ARRDC5: variants seen among roughly 807,000 people sequenced by gnomAD.
The protein encoded by ARRDC5 is arrestin domain-containing protein 5.
A neutral mutation model predicts 13.3 loss-of-function variants in ARRDC5; 12 were observed. That is an observed-to-expected ratio of 0.90 (90% CI 0.58 to 1.46). The LOEUF is 1.46. Among genes scored for constraint, ARRDC5 ranks in the 40% most tolerant of loss-of-function variants. ARRDC5 has a pLI of 0.00. For synonymous variants in ARRDC5, 181 were observed against 173.4 expected (o/e 1.04, Z -0.34); for missense variants, 406 against 418.7 (o/e 0.97, Z 0.26).
chr19:4,915,012 C>T, the ARRDC5 span, among the ~76,000 whole-genome samples: 9 of 152,328 alleles, frequency 5.9e-5, no homozygotes, highest in South Asian at 8.3e-4. Flanking sequence ...TGCGGAGCAG[C>T]GTCCCTGGCC....
At chr19:4,898,315 C>A (rs1049737608) in intron 1 of ARRDC5, among the ~76,000 whole-genome samples, 7 of 152,104 alleles carry the variant, frequency 4.6e-5, no homozygotes, top group African/African-American at 1.7e-4. Flanking sequence ...TTTCTATCTT[C>A]TCTGGCCCAT....
chr19:4,905,037 A>G (rs73532659), upstream of ARRDC5, among the ~76,000 whole-genome samples: 4,196 of 150,794 alleles, frequency 0.028, 189 homozygotes, highest in African/African-American at 0.097. Context: ...AGTCAAGCTC[A>G]TCCAACCCCT....
At chr19:4,896,327 A>AAAT (rs2031714139) in intron 2 of ARRDC5, among the ~76,000 whole-genome samples, 1 of 70,154 alleles carries the variant, frequency 1.4e-5, no homozygotes, top group Non-Finnish European at 2.6e-5. Flanking sequence ...AAAAAAAAAA[A>AAAT]AAATATATAT....
At chr19:4,904,685 A>C (rs2032029084), upstream of ARRDC5, among the ~76,000 whole-genome samples, 1 of 152,228 alleles carries the variant, frequency 6.6e-6, no homozygotes, top group Non-Finnish European at 1.5e-5. Flanking sequence ...ACCTTGTCTA[A>C]GTGAACTTTG....
chr19:4,900,938 G>C (rs2031891802), intron 1 of ARRDC5, among the ~76,000 whole-genome samples: 1 of 151,856 alleles, frequency 6.6e-6, no homozygotes, highest in Non-Finnish European at 1.5e-5. Flanking sequence ...ACAATCGGTT[G>C]AACCCAGGAG....
upstream of ARRDC5, chr19:4,903,181 C>G (rs565305214): frequency 2.4e-3 from 602 of 255,712 alleles, 13 homozygotes; most frequent in South Asian, 0.026. Flanking sequence ...TGCATGCCAG[C>G]ATGCCCAGCT....
intron 1 of ARRDC5, among the ~76,000 whole-genome samples, chr19:4,898,559 A>G (rs2031807815): frequency 6.6e-6 from 1 of 151,402 alleles, no homozygotes; most frequent in South Asian, 2.1e-4. Context: ...ATGGGGTTTC[A>G]CCATGTTGGC....
upstream of ARRDC5, among the ~76,000 whole-genome samples, chr19:4,907,830 A>G: frequency 6.8e-6 from 1 of 146,490 alleles, no homozygotes; most frequent in East Asian, 2.0e-4. Context: ...CTCCTGCCTC[A>G]GCCTCCCGAG....
chr19:4,904,046 G>A (rs1391870241), upstream of ARRDC5, among the ~76,000 whole-genome samples: 2 of 151,806 alleles, frequency 1.3e-5, no homozygotes, highest in African/African-American at 4.8e-5. Context: ...GCGTGATCTC[G>A]GCTCACTGCA....
intron 2 of ARRDC5, among the ~76,000 whole-genome samples, chr19:4,893,897 A>G (rs2031604599): frequency 6.8e-6 from 1 of 147,822 alleles, no homozygotes; most frequent in Admixed American, 6.8e-5. Flanking sequence ...AAAAAAAAAA[A>G]AATAGCCAGG....
chr19:4,897,974 G>A (rs1223774052), intron 1 of ARRDC5, among the ~76,000 whole-genome samples: 1 of 152,120 alleles, frequency 6.6e-6, no homozygotes, highest in East Asian at 1.9e-4. Context: ...GTAGTTCCAG[G>A]TACTCAGGAG....
At chr19:4,909,970 G>T in the ARRDC5 span, among the ~76,000 whole-genome samples, 1 of 150,782 alleles carries the variant, frequency 6.6e-6, no homozygotes, top group African/African-American at 2.4e-5. Flanking sequence ...TTCAATTGTC[G>T]CGCCCGAGCC....
chr19:4,892,794 A>G (rs1021991237), intron 2 of ARRDC5, among the ~76,000 whole-genome samples: 3 of 151,946 alleles, frequency 2.0e-5, no homozygotes, highest in Non-Finnish European at 4.4e-5. Context: ...ATTTTTTGTG[A>G]TATTGCCTAT....
the ARRDC5 span, among the ~76,000 whole-genome samples, chr19:4,913,241 T>C: frequency 6.8e-6 from 1 of 146,776 alleles, no homozygotes; most frequent in African/African-American, 2.6e-5. Context: ...TAATTAGACA[T>C]GTACATTGTG....
chr19:4,895,117 AT>A lies in ARRDC5; in HGVS notation c.459+1553del, dbSNP rs11451900. Among the ~76,000 whole-genome samples the A allele has an allele frequency of 2.6e-3, 382 of 149,696 alleles. 2 individuals carry two copies. Among genetic ancestry groups the A allele is most frequent in the African/African-American group, 9.0e-3 (367 of 40,772 alleles). On this transcript the variant is annotated intron_variant, in intron 2 of 2. Transcript: ENST00000650722. ...CCCTTATTTCCAAATGAGCTATTAC[AT>A]TTTTTTTTTAATAGCGGTACCGGCT...
chr19:4,906,935 C>T (rs548183113), upstream of ARRDC5, among the ~76,000 whole-genome samples: 1 of 152,146 alleles, frequency 6.6e-6, no homozygotes, highest in African/African-American at 2.4e-5. Flanking sequence ...CTGCTCATAC[C>T]TGTGGTGTGG....
At chr19:4,900,645 C>T (rs554934809) in intron 1 of ARRDC5, among the ~76,000 whole-genome samples, 13 of 152,254 alleles carry the variant, frequency 8.5e-5, no homozygotes, top group African/African-American at 2.9e-4. Context: ...GGAGTCCCTC[C>T]TATCACTCAG....
At chr19:4,897,111 C>T (rs12985474) in intron 1 of ARRDC5, among the ~76,000 whole-genome samples, 6 of 151,936 alleles carry the variant, frequency 3.9e-5, no homozygotes, top group African/African-American at 1.4e-4. Flanking sequence ...CGTGCACCAC[C>T]ACACCTGGCT....
intron 2 of ARRDC5, among the ~76,000 whole-genome samples, chr19:4,892,180 C>T (rs1251529028): frequency 2.6e-5 from 4 of 151,610 alleles, no homozygotes; most frequent in African/African-American, 4.8e-5. Context: ...CTCCGCCTCC[C>T]GGGTTCAAGC....
Sources: allele counts gnomAD v4.1 joint callset (sites outside exome capture counted in the v4.1 genomes callset), GRCh38; gene constraint gnomAD v4.1.1; transcripts MANE v1.5; gene names NCBI Gene and HGNC (gene_info 2026-07-23, HGNC 2026-07-21).